The following ADAM22 variants were observed in gnomAD, a reference collection of about 807,000 sequenced individuals.
ADAM22 encodes the protein disintegrin and metalloproteinase domain-containing protein 22.
A neutral mutation model predicts 144.6 loss-of-function variants in ADAM22; 65 were observed. That is an observed-to-expected ratio of 0.45 (90% CI 0.37 to 0.55). ADAM22 has a LOEUF of 0.55. ADAM22 is among the 20% of genes least tolerant of loss of function. The pLI, the probability that ADAM22 is intolerant of heterozygous loss-of-function variation, is 0.00. For synonymous variants in ADAM22, 391 were observed against 412.6 expected (o/e 0.95, Z 0.63); for missense variants, 974 against 1,184.9 (o/e 0.82, Z 2.61).
chr7:88,162,176 C>T (rs543823375), intron 22 of ADAM22, among the ~76,000 whole-genome samples: 2 of 149,838 alleles, frequency 1.3e-5, no homozygotes, highest in African/African-American at 2.5e-5. Flanking sequence ...AGATCATGTC[C>T]TTCACAGGGA....
At chr7:88,063,033 A>G (rs561595108) in intron 3 of ADAM22, among the ~76,000 whole-genome samples, 1 of 152,338 alleles carries the variant, frequency 6.6e-6, no homozygotes, top group East Asian at 1.9e-4. Flanking sequence ...AAAGTTTTAA[A>G]TATTGTGAGA....
At chr7:88,174,871 A>C (rs1305771663) in intron 26 of ADAM22, among the ~76,000 whole-genome samples, 1 of 151,642 alleles carries the variant, frequency 6.6e-6, no homozygotes, top group Non-Finnish European at 1.5e-5. Flanking sequence ...TTTTTTCCAA[A>C]CCTTTCTTAG....
intron 5 of ADAM22, among the ~76,000 whole-genome samples, chr7:88,113,593 T>C (rs1826633573): frequency 6.8e-6 from 1 of 147,756 alleles, no homozygotes; most frequent in African/African-American, 2.5e-5. Flanking sequence ...TGGCACCATT[T>C]ATTGCCCTTC....
chr7:87,956,515 G>A (rs1846798704), intron 2 of ADAM22, among the ~76,000 whole-genome samples: 1 of 152,160 alleles, frequency 6.6e-6, no homozygotes. Context: ...AGTTTTTGGT[G>A]TATTTAGAGA....
chr7:87,969,038 A>G (rs1562880191), intron 2 of ADAM22, among the ~76,000 whole-genome samples: 1 of 152,130 alleles, frequency 6.6e-6, no homozygotes, highest in Non-Finnish European at 1.5e-5. Context: ...AGGAAAGTCC[A>G]CCTCCATGAT....
intron 2 of ADAM22, among the ~76,000 whole-genome samples, chr7:87,975,190 A>G (rs376341847): frequency 5.3e-5 from 8 of 152,112 alleles, no homozygotes; most frequent in African/African-American, 1.7e-4. Context: ...GCCTTCTGAG[A>G]CACCCTTAGA....
At chr7:88,108,588 G>A (rs566857512) in intron 5 of ADAM22, among the ~76,000 whole-genome samples, 22 of 152,072 alleles carry the variant, frequency 1.4e-4, no homozygotes, top group African/African-American at 5.3e-4. Flanking sequence ...AATTAGCCGG[G>A]CATGGTGGCA....
intron 2 of ADAM22, among the ~76,000 whole-genome samples, chr7:87,962,191 C>A (rs1391349351): frequency 1.3e-5 from 2 of 152,208 alleles, no homozygotes; most frequent in Admixed American, 6.5e-5. Context: ...AGAGAACTCA[C>A]AAGGAAACAG....
At chr7:88,032,414 C>A (rs1214419888) in intron 3 of ADAM22, among the ~76,000 whole-genome samples, 1 of 152,204 alleles carries the variant, frequency 6.6e-6, no homozygotes, top group Non-Finnish European at 1.5e-5. Context: ...TGGCCAATTT[C>A]TCCTTTTTGG....
intron 3 of ADAM22, among the ~76,000 whole-genome samples, chr7:88,034,658 G>A (rs1028157943): frequency 6.6e-6 from 1 of 152,042 alleles, no homozygotes; most frequent in Non-Finnish European, 1.5e-5. Flanking sequence ...TTTATTTAGG[G>A]CACCGAAGCA....
In ADAM22 at chr7:88,147,281, G is replaced by A. The variant is rs78787859; in HGVS notation, c.1486-1696G>A. On this transcript the variant is annotated intron_variant, in intron 17 of 31. Transcript: ENST00000413139. ...ACCCTAGACTCCTAGGGCAGCCAGA[G>A]GCAGGACAGTGAATGGAGGAGGGAG... 5.2e-3 allele frequency among the ~76,000 whole-genome samples: 790 copies of A among 152,294 alleles called. 11 individuals are homozygous for A. The highest frequency in any genetic ancestry group is 0.018 in the African/African-American group (747 of 41,572).
At chr7:88,082,797 C>G (rs565232385) in intron 4 of ADAM22, among the ~76,000 whole-genome samples, 1 of 152,092 alleles carries the variant, frequency 6.6e-6, no homozygotes, top group Non-Finnish European at 1.5e-5. Flanking sequence ...GATACCATCT[C>G]ACACCAGTTA....
chr7:88,041,981 TA>T (rs1273242047), intron 3 of ADAM22, among the ~76,000 whole-genome samples: 5 of 152,116 alleles, frequency 3.3e-5, no homozygotes, highest in African/African-American at 1.2e-4. Flanking sequence ...AATGTATTTA[TA>T]AATAGCACCT....
intron 4 of ADAM22, among the ~76,000 whole-genome samples, chr7:88,083,673 A>G (rs773619335): frequency 1.3e-4 from 19 of 147,652 alleles, no homozygotes; most frequent in Non-Finnish European, 2.7e-4. Flanking sequence ...ACTTTAGGAC[A>G]TTTTGTCAGT....
chr7:88,085,897 C>A (rs778735351), intron 4 of ADAM22, among the ~76,000 whole-genome samples: 2 of 152,152 alleles, frequency 1.3e-5, no homozygotes, highest in Non-Finnish European at 2.9e-5. Flanking sequence ...TAATTTTTGC[C>A]TGGGCACAGT....
At position 88,131,400 on chromosome 7, in the gene ADAM22, T is replaced by A; in HGVS notation, c.957T>A (p.Phe319Leu). 6.2e-7 allele frequency: 1 copy of A among 1,613,890 alleles called. No homozygotes were observed. Among genetic ancestry groups the A allele is most frequent in the East Asian group, 2.2e-5 (1 of 44,846 alleles). ...LREFMKYRRD[F>L]IKEKSDAVHL... The stretch of plus-strand genomic sequence containing the variant: ...AGTTTATGAAATACAGGAGGGATTT[T>A]ATCAAAGAGAAAAGTGATGCAGTTC... The change falls in exon 11 of 32, where the codon TTT becomes TTA. Residue 319 changes from phenylalanine (F) to leucine (L), a missense_variant. Coordinates refer to ENST00000413139, the MANE Select transcript of ADAM22 (RefSeq NM_001324418.2).
rs764655914 is a variant in ADAM22 at position 88,163,051 on chromosome 7, C to G, written c.1947C>G (p.Gly649=). 2.8e-5 allele frequency: 45 copies of G among 1,609,768 alleles called. No individual in the cohort carries two copies. The highest frequency in any genetic ancestry group is 3.6e-5 in the Non-Finnish European group (43 of 1,178,184). Residue 649 remains glycine, a synonymous_variant, in exon 23 of 32, where the codon GGC becomes GGG. Coordinates refer to ENST00000413139, the MANE Select transcript of ADAM22 (RefSeq NM_001324418.2). ...AGCTTGAAGAAGATGTAGATCTTGG[C>G]TATGTGGAAGATGGGACACCTTGTG... The part of the protein sequence containing the change: ...HVKLEEDVDL[G]YVEDGTPCGP...
At chr7:88,105,217 G>A (rs918560289) in intron 4 of ADAM22, among the ~76,000 whole-genome samples, 3 of 151,286 alleles carry the variant, frequency 2.0e-5, no homozygotes, top group African/African-American at 7.3e-5. Flanking sequence ...AATTTTTTTT[G>A]TTTCTACTTC....
intron 3 of ADAM22, among the ~76,000 whole-genome samples, chr7:88,063,769 C>T (rs889996050): frequency 3.3e-5 from 5 of 152,124 alleles, no homozygotes; most frequent in Admixed American, 3.3e-4. Flanking sequence ...TAGCATTAGA[C>T]AGACTTATTA....
Sources: gnomAD v4.1 joint callset for allele counts (sites outside exome capture counted in the v4.1 genomes callset) on GRCh38, gnomAD v4.1.1 for gene constraint, MANE v1.5 for transcripts, NCBI Gene and HGNC (gene_info 2026-07-23, HGNC 2026-07-21) for gene names.